The following APBA2 variants were observed in gnomAD, a reference collection of about 807,000 sequenced individuals.
APBA2 encodes the protein amyloid beta precursor protein binding family A member 2.
APBA2 carries 30 observed loss-of-function variants against 75.0 expected under a neutral mutation model. The ratio of observed to expected loss-of-function variants is 0.40; its 90% CI spans 0.30 to 0.54. The LOEUF is 0.54. APBA2 is among the 20% of genes least tolerant of loss of function. The pLI is 0.49. For synonymous variants in APBA2, 444 were observed against 409.6 expected (o/e 1.08, Z -1.01); for missense variants, 801 against 1,016.1 (o/e 0.79, Z 2.88).
At chr15:29,107,899 A>G (rs1304718420) in intron 12 of APBA2, among the ~76,000 whole-genome samples, 2 of 152,146 alleles carry the variant, frequency 1.3e-5, no homozygotes, top group African/African-American at 4.8e-5. Context: ...GCTGTCCCGA[A>G]TTCGGCATGA....
rs2041802403 is a variant in APBA2, at chr15:29,054,750, A to G, written c.866A>G (p.Glu289Gly). Residue 289 changes from glutamate (E) to glycine (G), a missense_variant, in exon 4 of 15, where the codon GAG (glutamate) becomes GGG (glycine). By Grantham distance (98) the Glu-to-Gly change is moderately conservative. This residue lies in a region of APBA2 where 434 missense variants were observed against 471.6 expected (regional missense o/e 0.92). Coordinates refer to ENST00000683413, the MANE Select transcript of APBA2 (RefSeq NM_001353788.2). This position sits in a 1 kb window ranked among gnomAD's most constrained non-coding sequence, Gnocchi z 6.1. ...CCCAAGTCGCTGAACCTCCTTCCCG[A>G]GGCCAAGCACCCCGGAGACCCCCAG... ...ARPKSLNLLP[E>G]AKHPGDPQRG... 6.2e-7 allele frequency: 1 copy of G among 1,610,018 alleles called. No individual in the cohort carries two copies. Among genetic ancestry groups the G allele is most frequent in the East Asian group, 2.2e-5 (1 of 44,864 alleles).
chr15:29,117,265 G>T lies in APBA2; in HGVS notation c.*132G>T. On this transcript the variant is annotated 3_prime_UTR_variant, in exon 15 of 15. Transcript: ENST00000683413. ...CGGACGCTGGCTCCCCAAAGGGTGTGCCCTCACCACCCACTTGATTTTTTT... is the reference window on the plus strand; with the variant it reads ...CGGACGCTGGCTCCCCAAAGGGTGTTCCCTCACCACCCACTTGATTTTTTT... 1.3e-6 allele frequency: 1 copy of T among 781,832 alleles called. No homozygotes were observed. The allele number at this position is 781,832 out of a possible 1,614,324, so 48.4% of individuals were successfully genotyped here. A position where few individuals can be genotyped will look rare whatever the true frequency, so the allele number is the denominator to read the frequency against.
chr15:28,950,733 A>G (rs1288572316), intron 2 of APBA2, among the ~76,000 whole-genome samples: 3 of 151,822 alleles, frequency 2.0e-5, no homozygotes, highest in African/African-American at 4.8e-5. Flanking sequence ...GTGGAGTTAC[A>G]CTCCACTCCT....
intron 3 of APBA2, among the ~76,000 whole-genome samples, chr15:29,010,820 C>T (rs754329872): frequency 1.3e-5 from 2 of 152,062 alleles, no homozygotes; most frequent in Non-Finnish European, 2.9e-5. Context: ...GCCTATTAAG[C>T]CTGCTTTAGC....
intron 3 of APBA2, among the ~76,000 whole-genome samples, chr15:29,049,130 G>T (rs1043471973): frequency 6.6e-6 from 1 of 152,132 alleles, no homozygotes; most frequent in Non-Finnish European, 1.5e-5. Context: ...TAAAGCTGTG[G>T]TGCCCACACT....
intron 2 of APBA2, among the ~76,000 whole-genome samples, chr15:28,994,683 G>T (rs545128384): frequency 6.6e-6 from 1 of 152,184 alleles, no homozygotes; most frequent in Non-Finnish European, 1.5e-5. Context: ...TCTGCTAGGG[G>T]TGTCTACCTA....
At position 29,098,073 on chromosome 15, in the gene APBA2, C is replaced by T. The variant is rs371343098; in HGVS notation, c.1252-417C>T. The stretch of plus-strand genomic sequence containing the variant: ...ATCGTGAATGGACTTCGGGTTGATC[C>T]CATGTCTTGGCTGTTGTGGATAGTG... On this transcript the variant is annotated intron_variant, in intron 8 of 14. Coordinates refer to ENST00000683413, the MANE Select transcript of APBA2 (RefSeq NM_001353788.2). Among the ~76,000 whole-genome samples, 5 of 152,284 alleles carry T rather than the reference C, an allele frequency of 3.3e-5. No individual in the cohort carries two copies. The South Asian group carries it at 1.0e-3, about 32-fold the overall frequency.
Position 29,054,923 on chromosome 15 carries a change from G to A in APBA2, c.951+88G>A. On this transcript the variant is annotated intron_variant, in intron 4 of 14. Transcript: ENST00000683413. This position sits in a 1 kb window ranked among gnomAD's most constrained non-coding sequence, Gnocchi z 6.1. ...ACAGGCCTTGCAGATGCTGAAGCGA[G>A]GCGGTGGGGGGTGCTGGGTGCCTCA... is the stretch of plus-strand genomic sequence containing the variant. 7.7e-7 allele frequency: 1 copy of A among 1,297,424 alleles called. No individual in the cohort carries two copies. Among genetic ancestry groups the A allele is most frequent in the Non-Finnish European group, 1.1e-6 (1 of 930,600 alleles). The allele number at this position is 1,297,424 out of a possible 1,614,324, so 80.4% of individuals were successfully genotyped here.
At chr15:29,064,633 C>G (rs1016613146) in intron 4 of APBA2, among the ~76,000 whole-genome samples, 1 of 151,946 alleles carries the variant, frequency 6.6e-6, no homozygotes, top group African/African-American at 2.4e-5. Context: ...GTGTCCTCAG[C>G]ATGGAAGGGG....
chr15:29,039,241 A>C (rs2040911788), intron 3 of APBA2, among the ~76,000 whole-genome samples: 1 of 151,046 alleles, frequency 6.6e-6, no homozygotes, highest in African/African-American at 2.4e-5. Context: ...GGGCCTTTGA[A>C]GTTTTATGTG....
chr15:29,102,158 C>T, intron 10 of APBA2: 1 of 367,346 alleles, frequency 2.7e-6, no homozygotes, highest in South Asian at 2.4e-5. Context: ...AAAGAAAGCA[C>T]ATCTGCACAT....
At chr15:28,953,344 G>A (rs1300759504) in intron 2 of APBA2, among the ~76,000 whole-genome samples, 1 of 152,160 alleles carries the variant, frequency 6.6e-6, no homozygotes, top group Non-Finnish European at 1.5e-5. Context: ...TTCACACTCA[G>A]CATTGAAACA....
chr15:29,005,352 C>T (rs371915312), intron 3 of APBA2, among the ~76,000 whole-genome samples: 1 of 152,108 alleles, frequency 6.6e-6, no homozygotes, highest in Non-Finnish European at 1.5e-5. Context: ...CCTCAACCTC[C>T]TGGGCTCAAG....
chr15:29,021,523 A>G (rs1297310606), intron 3 of APBA2, among the ~76,000 whole-genome samples: 1 of 152,178 alleles, frequency 6.6e-6, no homozygotes, highest in Non-Finnish European at 1.5e-5. Context: ...TTTAATGTAC[A>G]ACTTTGTGAG....
At chr15:28,993,723 G>A (rs1487096064) in intron 2 of APBA2, among the ~76,000 whole-genome samples, 1 of 152,222 alleles carries the variant, frequency 6.6e-6, no homozygotes, top group Non-Finnish European at 1.5e-5. Context: ...GATGCACATG[G>A]ATGAGCTCTG....
chr15:29,038,788 C>T (rs1398056394), intron 3 of APBA2, among the ~76,000 whole-genome samples: 1 of 151,438 alleles, frequency 6.6e-6, no homozygotes, highest in African/African-American at 2.4e-5. Context: ...ATTCTCTTGC[C>T]TCAGCCTCCC....
At chr15:29,056,566 C>T (rs147978503) in intron 4 of APBA2, among the ~76,000 whole-genome samples, 2,617 of 38,362 alleles carry the variant, frequency 0.068, 133 homozygotes, top group African/African-American at 0.2. Flanking sequence ...CCTTTCCTCC[C>T]TTCCTCCCTT....
chr15:29,098,495 T>G lies in APBA2; in HGVS notation c.1257T>G (p.Ser419=), dbSNP rs999762422. 6.2e-7 allele frequency: 1 copy of G among 1,613,752 alleles called. No individual in the cohort carries two copies. The highest frequency in any genetic ancestry group is 1.3e-5 in the African/African-American group (1 of 74,938). Residue 419 remains serine (S), a synonymous_variant, in exon 9 of 15, where the codon TCT becomes TCG. Transcript: ENST00000683413. The part of the protein sequence containing the change: ...KAAKIKKKAN[S]EGDAQTLTEV... ...ATATCCACTGTCCTTCTTAGAATTC[T>G]GAGGGGGATGCCCAGACGCTGACGG...
At chr15:28,978,042 A>G (rs1222688047) in intron 2 of APBA2, among the ~76,000 whole-genome samples, 17 of 152,116 alleles carry the variant, frequency 1.1e-4, no homozygotes, top group Admixed American at 9.2e-4. Flanking sequence ...AAACCAAACA[A>G]TCTCTCAAAG....
Sources: gnomAD v4.1 joint callset for allele counts (sites outside exome capture counted in the v4.1 genomes callset) on GRCh38, gnomAD v4.1.1 for gene constraint, gnomAD v4.1.1 regional missense constraint, Gnocchi (gnomAD v3.1) non-coding constraint, MANE v1.5 for transcripts, NCBI Gene and HGNC (gene_info 2026-07-23, HGNC 2026-07-21) for gene names.